Variants in ZYG11B observed in about 807,000 individuals in gnomAD.
The protein encoded by ZYG11B is protein zyg-11 homolog B.
ZYG11B carries 36 observed loss-of-function variants against 82.4 expected under a neutral mutation model. The observed-to-expected ratio is 0.44, with a 90% CI of 0.33 to 0.58. ZYG11B has a LOEUF of 0.58. Ranked by LOEUF, ZYG11B falls within the 20% of genes least tolerant of loss-of-function variation. ZYG11B has a pLI of 0.02. For missense variants in ZYG11B, 552 were observed against 895.6 expected (o/e 0.62, Z 4.90); for synonymous variants, 303 against 312.8 (o/e 0.97, Z 0.33).
intron 1 of ZYG11B, among the ~76,000 whole-genome samples, chr1:52,738,986 T>TTTTTTTTTTTC (rs1491359105): frequency 2.5e-5 from 1 of 40,148 alleles, no homozygotes; most frequent in East Asian, 6.1e-3. Context: ...CCCTGTAACC[T>TTTTTTTTTTTC]TTTTTTTTTT....
At chr1:52,807,482 C>A (rs1431072918) in intron 10 of ZYG11B, among the ~76,000 whole-genome samples, 2 of 145,170 alleles carry the variant, frequency 1.4e-5, no homozygotes, top group East Asian at 4.1e-4. Context: ...TTCAGAATTG[C>A]TAAGAGTACT....
intron 1 of ZYG11B, among the ~76,000 whole-genome samples, chr1:52,733,324 C>T (rs550869163): frequency 6.6e-5 from 10 of 152,096 alleles, no homozygotes; most frequent in South Asian, 2.1e-4. Flanking sequence ...TGTGTTTGTT[C>T]TAGAGGTCAT....
chr1:52,751,772 T>A (rs1204244602), intron 1 of ZYG11B, among the ~76,000 whole-genome samples: 3 of 152,162 alleles, frequency 2.0e-5, no homozygotes, highest in Non-Finnish European at 2.9e-5. Context: ...AGCCCCTAGA[T>A]AACTTCTTTC....
At chr1:52,749,742 A>G (rs1871735) in intron 1 of ZYG11B, among the ~76,000 whole-genome samples, 90,774 of 152,046 alleles carry the variant, frequency 0.6, 29,780 homozygotes, top group East Asian at 0.97. Flanking sequence ...TATTAGAGAC[A>G]GGGTTTTGCC....
intron 12 of ZYG11B, among the ~76,000 whole-genome samples, chr1:52,814,909 G>A (rs1421301144): frequency 6.6e-6 from 1 of 152,154 alleles, no homozygotes; most frequent in Non-Finnish European, 1.5e-5. Context: ...TATAATCCCA[G>A]CACTTTGGGA....
chr1:52,754,625 TC>T (rs1166743927), intron 1 of ZYG11B, among the ~76,000 whole-genome samples: 2 of 152,220 alleles, frequency 1.3e-5, no homozygotes, highest in Admixed American at 6.5e-5. Context: ...CAGGCAATAT[TC>T]CTGCCTCAGC....
chr1:52,756,832 T>C (rs1288395579), intron 2 of ZYG11B, among the ~76,000 whole-genome samples: 1 of 150,034 alleles, frequency 6.7e-6, no homozygotes, highest in Non-Finnish European at 1.5e-5. Flanking sequence ...TTTTTTTTTT[T>C]TCCTTGACAG....
At chr1:52,728,860 G>A (rs1353659713) in intron 1 of ZYG11B, among the ~76,000 whole-genome samples, 3 of 119,826 alleles carry the variant, frequency 2.5e-5, no homozygotes, top group Non-Finnish European at 3.7e-5. Flanking sequence ...CCCTCACAGG[G>A]ATTTTTTTTT....
At chr1:52,788,301 T>C (rs996007392) in intron 5 of ZYG11B, among the ~76,000 whole-genome samples, 1 of 152,188 alleles carries the variant, frequency 6.6e-6, no homozygotes, top group Non-Finnish European at 1.5e-5. Flanking sequence ...TGGGCGGAAA[T>C]TGAAGACTAC....
intron 10 of ZYG11B, among the ~76,000 whole-genome samples, chr1:52,807,969 C>T (rs969611978): frequency 6.6e-6 from 1 of 152,196 alleles, no homozygotes; most frequent in Non-Finnish European, 1.5e-5. Context: ...TACTGATTAG[C>T]TTTTTTCTGA....
chr1:52,753,392 T>G (rs1230711305), intron 1 of ZYG11B, among the ~76,000 whole-genome samples: 1 of 150,904 alleles, frequency 6.6e-6, no homozygotes, highest in African/African-American at 2.4e-5. Context: ...TCCATGGTTG[T>G]TCTTCTTCTT....
intron 6 of ZYG11B, among the ~76,000 whole-genome samples, chr1:52,790,328 G>T (rs930866322): frequency 6.6e-6 from 1 of 152,100 alleles, no homozygotes; most frequent in Non-Finnish European, 1.5e-5. Flanking sequence ...ACATGATATT[G>T]TAAGCTATGA....
At chr1:52,798,542 T>G (rs972324347) in intron 8 of ZYG11B, among the ~76,000 whole-genome samples, 4 of 152,060 alleles carry the variant, frequency 2.6e-5, no homozygotes, top group Non-Finnish European at 5.9e-5. Context: ...GCCCAAGTGG[T>G]CAAAGTTGCA....
intron 5 of ZYG11B, among the ~76,000 whole-genome samples, chr1:52,786,813 G>A (rs911328883): frequency 6.6e-6 from 1 of 150,724 alleles, no homozygotes; most frequent in Non-Finnish European, 1.5e-5. Flanking sequence ...TGTTCGAGCC[G>A]GGCGTTGTGG....
At chr1:52,783,873 CGTGTGTGTATATGTACAT>C in intron 4 of ZYG11B, among the ~76,000 whole-genome samples, 1 of 99,860 alleles carries the variant, frequency 1.0e-5, no homozygotes. Flanking sequence ...TGTACATACA[CGTGTGTGTATATGTACAT>C]ACACGTGTGT....
intron 1 of ZYG11B, among the ~76,000 whole-genome samples, chr1:52,739,003 A>T (rs1266196475): frequency 1.6e-4 from 4 of 25,748 alleles, no homozygotes; most frequent in Admixed American, 1.0e-3. Flanking sequence ...TTTTTTGGAG[A>T]CAGAGTCTCA....
chr1:52,816,113 C>A (rs1288336243), intron 12 of ZYG11B, among the ~76,000 whole-genome samples: 1 of 151,108 alleles, frequency 6.6e-6, no homozygotes, highest in Non-Finnish European at 1.5e-5. Flanking sequence ...TTTTTTATTT[C>A]TCCAACTTAT....
intron 10 of ZYG11B, chr1:52,805,431 G>A: frequency 2.2e-6 from 1 of 455,238 alleles, no homozygotes; most frequent in South Asian, 1.6e-5. Flanking sequence ...AGTAATAGAG[G>A]AATTATTAAA....
At chr1:52,815,177 G>C (rs1178067462) in intron 12 of ZYG11B, among the ~76,000 whole-genome samples, 1 of 151,774 alleles carries the variant, frequency 6.6e-6, no homozygotes, top group Non-Finnish European at 1.5e-5. Flanking sequence ...CACTAGATTT[G>C]GTTGGGGAAA....
Sources: allele counts gnomAD v4.1 joint callset (sites outside exome capture counted in the v4.1 genomes callset), GRCh38; gene constraint gnomAD v4.1.1; transcripts MANE v1.5; gene names NCBI Gene and HGNC (gene_info 2026-07-23, HGNC 2026-07-21).